Variants in AK7 observed in about 807,000 individuals in gnomAD.
The protein encoded by AK7 is adenylate kinase 7.
In AK7, 78 loss-of-function variants were observed where a neutral mutation model predicts 96.6. The observed-to-expected ratio is 0.81, with a 90% CI of 0.67 to 0.97. AK7 has a LOEUF of 0.97. Ranked by LOEUF, AK7 falls within the 50% of genes least tolerant of loss-of-function variation. The pLI is 0.00. For missense variants in AK7, 855 were observed against 887.9 expected (o/e 0.96, Z 0.47); for synonymous variants, 302 against 317.2 (o/e 0.95, Z 0.51).
intron 2 of AK7, among the ~76,000 whole-genome samples, chr14:96,401,081 T>C (rs1353790425): frequency 6.6e-6 from 1 of 152,140 alleles, no homozygotes; most frequent in Non-Finnish European, 1.5e-5. Context: ...TCCATTCTCA[T>C]AGCCATGTGC....
intron 4 of AK7, among the ~76,000 whole-genome samples, chr14:96,419,784 C>CTTTTTTTTTTTTTTTTTTTTTTTT (rs11449244): frequency 2.0e-5 from 2 of 101,714 alleles, no homozygotes; most frequent in Non-Finnish European, 1.8e-5. Flanking sequence ...TTTTTTCTTT[C>CTTTTTTTTTTTTTTTTTTTTTTTT]TTTTCTTTTT....
chr14:96,471,723 G>C, intron 13 of AK7, 117 bp downstream of exon 13: 2 of 937,018 alleles, frequency 2.1e-6, no homozygotes, highest in Non-Finnish European at 2.9e-6. Context: ...ATTTATTTTT[G>C]AGCTTTGGCT....
chr14:96,421,936 A>G (rs1204834782), intron 5 of AK7, among the ~76,000 whole-genome samples: 1 of 152,178 alleles, frequency 6.6e-6, no homozygotes, highest in Non-Finnish European at 1.5e-5. Context: ...GTATCTGGCC[A>G]GCAGCCCGCA....
chr14:96,441,509 C>T (rs1159398017), intron 6 of AK7, among the ~76,000 whole-genome samples: 1 of 151,820 alleles, frequency 6.6e-6, no homozygotes, highest in Admixed American at 6.6e-5. Context: ...TGTGGTGGCA[C>T]ATGCTTGTGA....
chr14:96,463,806 C>T (rs10873472), intron 12 of AK7, among the ~76,000 whole-genome samples: 130,892 of 150,968 alleles, frequency 0.87, 57,087 homozygotes, highest in African/African-American at 0.97. Context: ...TGAGGTAACA[C>T]AATGATAACC....
intron 17 of AK7, among the ~76,000 whole-genome samples, chr14:96,487,503 C>T (rs1439520455): frequency 1.4e-5 from 2 of 145,246 alleles, no homozygotes; most frequent in Admixed American, 6.8e-5. Context: ...GTTCTCGGCT[C>T]ACTGCAACCT....
chr14:96,436,316 A>G (rs977868517), intron 5 of AK7, among the ~76,000 whole-genome samples: 4 of 152,132 alleles, frequency 2.6e-5, no homozygotes, highest in African/African-American at 9.7e-5. Context: ...TGAGATCACT[A>G]CCTTCCCACA....
At chr14:96,435,231 G>C (rs1892573346) in intron 5 of AK7, among the ~76,000 whole-genome samples, 1 of 152,110 alleles carries the variant, frequency 6.6e-6, no homozygotes, top group Non-Finnish European at 1.5e-5. Context: ...AAGCCAGAAG[G>C]CTCATCCAAG....
At chr14:96,475,003 C>G (rs1895097992) in intron 14 of AK7, among the ~76,000 whole-genome samples, 2 of 152,216 alleles carry the variant, frequency 1.3e-5, no homozygotes, top group African/African-American at 4.8e-5. Context: ...CACTCCACTG[C>G]CTCCAAAACA....
chr14:96,392,297 C>A, intron 1 of AK7, 38 bp downstream of exon 1: 1 of 1,555,762 alleles, frequency 6.4e-7, no homozygotes, highest in South Asian at 1.1e-5. Context: ...CACGCCAGCT[C>A]TCAGCTCCCA....
chr14:96,406,917 G>A (rs961055242), intron 3 of AK7, among the ~76,000 whole-genome samples: 16 of 152,200 alleles, frequency 1.1e-4, no homozygotes, highest in Admixed American at 2.6e-4. Flanking sequence ...GGCCTCAAGC[G>A]ATCCTCAGCC....
intron 10 of AK7, 109 bp from the exon 11 acceptor site, chr14:96,456,238 C>CA (rs56356389): frequency 5.3e-3 from 2,103 of 397,388 alleles, no homozygotes; most frequent in South Asian, 8.1e-3. Flanking sequence ...GACTCTGTCT[C>CA]AAAAAAAAAA....
chr14:96,473,419 T>C (rs957680774), intron 14 of AK7, among the ~76,000 whole-genome samples: 51 of 151,564 alleles, frequency 3.4e-4, no homozygotes, highest in Non-Finnish European at 6.3e-4. Context: ...CGCCTTGGCC[T>C]CCCAAAGTGC....
At chr14:96,472,390 G>A (rs1894946554) in intron 13 of AK7, among the ~76,000 whole-genome samples, 1 of 152,186 alleles carries the variant, frequency 6.6e-6, no homozygotes, top group Admixed American at 6.5e-5. Context: ...CCTGGCTTCA[G>A]GTGATCCTAC....
intron 8 of AK7, among the ~76,000 whole-genome samples, chr14:96,447,354 G>T (rs1456947781): frequency 2.0e-5 from 3 of 151,968 alleles, no homozygotes; most frequent in East Asian, 3.9e-4. Context: ...TCGCTCTTTC[G>T]CCCAGGCTGG....
intron 1 of AK7, among the ~76,000 whole-genome samples, chr14:96,397,401 G>T (rs7153260): frequency 6.6e-6 from 1 of 151,650 alleles, no homozygotes; most frequent in South Asian, 2.1e-4. Flanking sequence ...GGTGTGCACC[G>T]CCATGCCCAG....
At chr14:96,473,232 G>A (rs75424414) in intron 14 of AK7, among the ~76,000 whole-genome samples, 13,614 of 145,532 alleles carry the variant, frequency 0.094, 733 homozygotes, top group Middle Eastern at 0.2. Flanking sequence ...GTGCAGTGGC[G>A]CGATCTCAGC....
chr14:96,405,086 C>G, intron 3 of AK7: 2 of 266,788 alleles, frequency 7.5e-6, no homozygotes, highest in Non-Finnish European at 1.4e-5. Context: ...TGACTCATGC[C>G]TGTAATCCTA....
At chr14:96,423,853 C>T in intron 5 of AK7, 1 of 829,468 alleles carries the variant, frequency 1.2e-6, no homozygotes, top group Non-Finnish European at 2.1e-6. Context: ...TGAGGATGGG[C>T]TCGTCACATT....
Sources: gnomAD v4.1 joint callset for allele counts (sites outside exome capture counted in the v4.1 genomes callset) on GRCh38, gnomAD v4.1.1 for gene constraint, MANE v1.5 for transcripts, NCBI Gene and HGNC (gene_info 2026-07-23, HGNC 2026-07-21) for gene names.